Variants in COL25A1 observed in about 807,000 individuals in gnomAD.
COL25A1 encodes the protein collagen alpha-1(XXV) chain.
A neutral mutation model predicts 128.4 loss-of-function variants in COL25A1; 103 were observed. That is an observed-to-expected ratio of 0.80 (90% CI 0.68 to 0.94). The LOEUF (loss-of-function observed/expected upper bound fraction) is 0.94, where lower values mean the gene tolerates loss of function less well. Among genes scored for constraint, COL25A1 ranks in the 40% least tolerant of loss-of-function variants. COL25A1 has a pLI of 0.00. For synonymous variants in COL25A1, 279 were observed against 277.2 expected (o/e 1.01, Z -0.06); for missense variants, 745 against 840.0 (o/e 0.89, Z 1.40).
At chr4:108,987,810 C>T (rs1688079975) in intron 6 of COL25A1, among the ~76,000 whole-genome samples, 1 of 152,174 alleles carries the variant, frequency 6.6e-6, no homozygotes, top group Non-Finnish European at 1.5e-5. Flanking sequence ...CCATCTCCAC[C>T]TCCCCCATAA....
At chr4:108,857,580 AC>A (rs777247899) in intron 24 of COL25A1, among the ~76,000 whole-genome samples, 3 of 150,360 alleles carry the variant, frequency 2.0e-5, no homozygotes, top group African/African-American at 2.4e-5. Context: ...AAAAAAAAAA[AC>A]GACTTAGTGC....
chr4:109,301,768 G>A lies in COL25A1; in HGVS notation c.252C>T (p.His84=), dbSNP rs753647208. ...SIHLLPDTLD[H]LKTMVQEKVE... ...CTTTCTCTTGCACCATAGTCTTGAGGTGATCCAGGGTATCAGGCAGCAGAT... is the reference window on the plus strand; with the variant it reads ...CTTTCTCTTGCACCATAGTCTTGAGATGATCCAGGGTATCAGGCAGCAGAT... Residue 84 remains histidine (H), a synonymous_variant, in exon 2 of 38, where the codon CAC becomes CAT. Coordinates refer to ENST00000399132, the MANE Select transcript of COL25A1 (RefSeq NM_198721.4). 16 of 1,614,266 alleles carry A rather than the reference G, an allele frequency of 9.9e-6. No homozygotes were observed. The highest frequency in any genetic ancestry group is 3.3e-5 in the South Asian group (3 of 91,086).
At chr4:109,087,759 A>G (rs760841394) in intron 3 of COL25A1, among the ~76,000 whole-genome samples, 11 of 152,270 alleles carry the variant, frequency 7.2e-5, no homozygotes, top group Non-Finnish European at 1.3e-4. Context: ...TCAAAAATTT[A>G]TTGCTTTTTG....
chr4:109,173,727 A>G (rs779912097), intron 3 of COL25A1, among the ~76,000 whole-genome samples: 1 of 152,200 alleles, frequency 6.6e-6, no homozygotes, highest in Non-Finnish European at 1.5e-5. Context: ...AGTCATTCAT[A>G]AACTCAAAAA....
In COL25A1 at chr4:108,940,629, T is replaced by G; in HGVS notation, c.582A>C (p.Ala194=). The G allele has an allele frequency of 6.3e-7, 1 of 1,599,326 alleles. No individual in the cohort carries two copies. Among genetic ancestry groups the G allele is most frequent in the Non-Finnish European group, 8.5e-7 (1 of 1,173,420 alleles). ...GAGGGCCAGGGGGTCCTGGAGGCCC[T>G]GCCTGTCCTTGGTCACCCTGTGATG... ...RRLIKGDQGQ[A]GPPGPPGPPG... Residue 194 remains alanine (A), a synonymous_variant, in exon 10 of 38, where the codon GCA becomes GCC. Transcript: ENST00000399132.
At chr4:108,845,382 G>A (rs998088295) in intron 28 of COL25A1, 131 bp from the exon 29 acceptor site, 1 of 698,154 alleles carries the variant, frequency 1.4e-6, no homozygotes, top group Middle Eastern at 2.6e-4. Flanking sequence ...ATAAAAGAAG[G>A]ATTTATCTCC....
chr4:109,180,646 C>T (rs1039038794), intron 3 of COL25A1, among the ~76,000 whole-genome samples: 5 of 151,758 alleles, frequency 3.3e-5, no homozygotes, highest in Non-Finnish European at 7.4e-5. Context: ...TTTTTAAAAA[C>T]CAAAAATTTA....
At chr4:109,171,707 C>T (rs901865953) in intron 3 of COL25A1, among the ~76,000 whole-genome samples, 4 of 152,172 alleles carry the variant, frequency 2.6e-5, no homozygotes, top group African/African-American at 9.7e-5. Flanking sequence ...TTTGACATAA[C>T]ACCTGACATG....
chr4:108,822,043 ATTTT>A lies in COL25A1; in HGVS notation c.1845+2127_1845+2130del, dbSNP rs10567518. On this transcript the variant is annotated intron_variant, in intron 35 of 37. Coordinates refer to ENST00000399132, the MANE Select transcript of COL25A1 (RefSeq NM_198721.4). ...AAACGTGAGTATCCTCCTAATGGTAATTTTTTTTTTTTTTTTTGGGACAGGGTCT... is the reference window on the plus strand; with the variant it reads ...AAACGTGAGTATCCTCCTAATGGTAATTTTTTTTTTTTTGGGACAGGGTCT... Among the ~76,000 whole-genome samples, 140 of 89,954 alleles carry A rather than the reference ATTTT, an allele frequency of 1.6e-3. 1 individual carries two copies. The highest frequency in any genetic ancestry group is 1.7e-3 in the Non-Finnish European group (79 of 46,830). The allele number at this position is 89,954 out of a possible 152,430, so 59.0% of individuals were successfully genotyped here. A position where few individuals can be genotyped will look rare whatever the true frequency, so the allele number is the denominator to read the frequency against.
chr4:108,966,283 T>C (rs926398778), intron 8 of COL25A1, among the ~76,000 whole-genome samples: 1 of 152,182 alleles, frequency 6.6e-6, no homozygotes, highest in Non-Finnish European at 1.5e-5. Flanking sequence ...GGGTTGACAG[T>C]GTGTGGCCTG....
rs917404242 is a variant in COL25A1, at chr4:108,833,267, T to A, written c.1657-834A>T. ...GCAGCAGGGGCTTACAGGAAAGGAA[T>A]CATTCTTACAGATTCTGCGGCAGTG... On this transcript the variant is annotated intron_variant, in intron 31 of 37. Coordinates refer to ENST00000399132, the MANE Select transcript of COL25A1 (RefSeq NM_198721.4). Among the ~76,000 whole-genome samples, 5 of 152,190 alleles carry A rather than the reference T, an allele frequency of 3.3e-5. 1 individual carries two copies. The highest frequency in any genetic ancestry group is 1.2e-4 in the African/African-American group (5 of 41,436).
chr4:108,921,985 G>A (rs1232664804), intron 11 of COL25A1, among the ~76,000 whole-genome samples: 2 of 152,066 alleles, frequency 1.3e-5, no homozygotes, highest in African/African-American at 4.8e-5. Context: ...CCAAACGTAT[G>A]TGTACCTCTT....
chr4:108,941,845 G>A (rs753809741), intron 8 of COL25A1, among the ~76,000 whole-genome samples: 1 of 152,126 alleles, frequency 6.6e-6, no homozygotes, highest in Non-Finnish European at 1.5e-5. Flanking sequence ...GAACTCAACT[G>A]CCATTTTATT....
At chr4:108,829,289 G>A (rs1317731294) in intron 32 of COL25A1, among the ~76,000 whole-genome samples, 1 of 152,108 alleles carries the variant, frequency 6.6e-6, no homozygotes, top group Non-Finnish European at 1.5e-5. Context: ...GATCATTTGA[G>A]GCCAGGAGTT....
At chr4:108,935,354 T>C (rs1309244906) in intron 11 of COL25A1, among the ~76,000 whole-genome samples, 1 of 152,182 alleles carries the variant, frequency 6.6e-6, no homozygotes, top group Admixed American at 6.5e-5. Flanking sequence ...GATAATGTCC[T>C]TGTTCTTGAT....
intron 5 of COL25A1, among the ~76,000 whole-genome samples, chr4:109,011,707 A>G (rs1406407852): frequency 6.6e-6 from 1 of 152,252 alleles, no homozygotes; most frequent in Admixed American, 6.5e-5. Context: ...TTTAAGGTTT[A>G]TGCATTTTCT....
chr4:108,970,839 A>G (rs1287456628), intron 8 of COL25A1, among the ~76,000 whole-genome samples: 2 of 152,166 alleles, frequency 1.3e-5, no homozygotes, highest in Non-Finnish European at 2.9e-5. Flanking sequence ...CACTTAACAT[A>G]ATGTCCTTCA....
chr4:109,258,314 T>C (rs543370334), intron 3 of COL25A1, among the ~76,000 whole-genome samples: 113 of 152,368 alleles, frequency 7.4e-4, no homozygotes, highest in Admixed American at 1.2e-3. Flanking sequence ...ACTGCCTATA[T>C]GCATTTTTAT....
At chr4:108,982,626 G>A (rs1753103367) in intron 6 of COL25A1, among the ~76,000 whole-genome samples, 1 of 152,104 alleles carries the variant, frequency 6.6e-6, no homozygotes, top group Admixed American at 6.5e-5. Flanking sequence ...CCAGGGAAGG[G>A]AATTATAGCT....
Sources: allele counts gnomAD v4.1 joint callset (sites outside exome capture counted in the v4.1 genomes callset), GRCh38; gene constraint gnomAD v4.1.1; transcripts MANE v1.5; gene names NCBI Gene and HGNC (gene_info 2026-07-23, HGNC 2026-07-21).